Variants in ROBO2 observed in about 807,000 individuals in gnomAD.
ROBO2 encodes roundabout homolog 2.
Under a neutral mutation model 160.8 loss-of-function variants are expected in ROBO2, and 53 were observed. That is an observed-to-expected ratio of 0.33 (90% CI 0.26 to 0.41). ROBO2 has a LOEUF of 0.41. ROBO2 is among the 10% of genes least tolerant of loss of function. ROBO2 has a pLI of 1.00. For missense variants in ROBO2, 1,577 were observed against 1,722.4 expected (o/e 0.92, Z 1.49); for synonymous variants, 664 against 611.7 (o/e 1.09, Z -1.26).
intron 2 of ROBO2, among the ~76,000 whole-genome samples, chr3:76,183,332 T>G (rs1394783094): frequency 6.6e-6 from 1 of 152,162 alleles, no homozygotes; most frequent in Non-Finnish European, 1.5e-5. Flanking sequence ...CTCTGTTGTA[T>G]TGGTAAAGCA....
chr3:77,343,075 AGAGAGAGAG>A (rs1560578481), intron 2 of ROBO2, among the ~76,000 whole-genome samples: 1 of 122,374 alleles, frequency 8.2e-6, no homozygotes, highest in African/African-American at 2.7e-5. Flanking sequence ...AGAGAGAGAG[AGAGAGAGAG>A]AGAACTTTCT....
intron 2 of ROBO2, among the ~76,000 whole-genome samples, chr3:76,549,901 C>T (rs2083316697): frequency 6.6e-6 from 1 of 152,196 alleles, no homozygotes; most frequent in Non-Finnish European, 1.5e-5. Context: ...TAAAAGTAAA[C>T]TCATTCCTCT....
intron 2 of ROBO2, among the ~76,000 whole-genome samples, chr3:76,860,139 G>C (rs1458547400): frequency 6.6e-6 from 1 of 152,168 alleles, no homozygotes; most frequent in African/African-American, 2.4e-5. Flanking sequence ...GAAGTGATGA[G>C]AGTGGCCAAG....
chr3:76,821,982 G>A (rs1027941670), intron 2 of ROBO2, among the ~76,000 whole-genome samples: 1 of 151,884 alleles, frequency 6.6e-6, no homozygotes, highest in Non-Finnish European at 1.5e-5. Flanking sequence ...CTTAAATAAT[G>A]AAACTCCAGT....
chr3:75,911,013 T>C (rs1946554922), intron 1 of ROBO2, among the ~76,000 whole-genome samples: 2 of 151,976 alleles, frequency 1.3e-5, no homozygotes, highest in Admixed American at 1.3e-4. Context: ...AGCTATATTG[T>C]AGATATGGGA....
At chr3:76,100,697 G>A (rs2069647663) in intron 2 of ROBO2, among the ~76,000 whole-genome samples, 1 of 152,124 alleles carries the variant, frequency 6.6e-6, no homozygotes, top group Admixed American at 6.5e-5. Flanking sequence ...TCTTTCTAGG[G>A]CGTAATTTTC....
At chr3:76,621,969 T>G (rs2089122623) in intron 2 of ROBO2, among the ~76,000 whole-genome samples, 6 of 151,244 alleles carry the variant, frequency 4.0e-5, no homozygotes, top group Admixed American at 3.3e-4. Context: ...GGGTTTGACC[T>G]CTCCCATTCC....
intron 2 of ROBO2, among the ~76,000 whole-genome samples, chr3:76,317,931 T>G (rs2072180281): frequency 6.6e-6 from 1 of 152,048 alleles, no homozygotes; most frequent in African/African-American, 2.4e-5. Flanking sequence ...AAATATGTCC[T>G]GAGTATTTTT....
At chr3:77,165,062 G>T (rs944452417) in intron 2 of ROBO2, among the ~76,000 whole-genome samples, 1 of 152,096 alleles carries the variant, frequency 6.6e-6, no homozygotes, top group African/African-American at 2.4e-5. Context: ...TGGGAGGTGT[G>T]CCCAACGGCT....
intron 2 of ROBO2, among the ~76,000 whole-genome samples, chr3:76,764,192 G>A (rs765411163): frequency 7.3e-5 from 11 of 151,528 alleles, no homozygotes; most frequent in African/African-American, 2.2e-4. Context: ...TTTGATTACT[G>A]TATGTAAATG....
At chr3:77,093,874 A>G (rs2070683632) in intron 1 of ROBO2, among the ~76,000 whole-genome samples, 1 of 152,172 alleles carries the variant, frequency 6.6e-6, no homozygotes, top group Non-Finnish European at 1.5e-5. Context: ...AAGATTATAA[A>G]TGAAGAAAAC....
At chr3:77,034,501 T>C (rs1338376415) in intron 2 of ROBO2, among the ~76,000 whole-genome samples, 1 of 151,902 alleles carries the variant, frequency 6.6e-6, no homozygotes, top group South Asian at 2.1e-4. Flanking sequence ...CCAAACAGAT[T>C]AGTTCTTCTA....
rs573478458 is a variant in ROBO2, at chr3:77,643,586, C to T, written c.3935-1118C>T. ...TTTTTTTGGGGGGAGAGGTGTGGCGCGGGAGGTGGGGAGCCTGCTTTATAA... is the reference window on the plus strand; with the variant it reads ...TTTTTTTGGGGGGAGAGGTGTGGCGTGGGAGGTGGGGAGCCTGCTTTATAA... On this transcript the variant is annotated intron_variant, in intron 24 of 25. Coordinates refer to ENST00000461745, the Ensembl canonical transcript of ROBO2. Among the ~76,000 whole-genome samples the T allele has an allele frequency of 2.6e-3, 393 of 152,012 alleles. 2 individuals are homozygous for T. Among genetic ancestry groups the T allele is most frequent in the Admixed American group, 4.7e-3 (72 of 15,254 alleles).
intron 2 of ROBO2, among the ~76,000 whole-genome samples, chr3:77,219,216 C>T (rs528048493): frequency 1.3e-5 from 2 of 151,674 alleles, no homozygotes; most frequent in South Asian, 4.2e-4. Flanking sequence ...GTCATCTGCC[C>T]GCCTCAGCCT....
At chr3:76,222,795 C>T (rs1217766076) in intron 2 of ROBO2, among the ~76,000 whole-genome samples, 1 of 151,880 alleles carries the variant, frequency 6.6e-6, no homozygotes, top group Non-Finnish European at 1.5e-5. Flanking sequence ...CCTTCTGTCG[C>T]CCACGCTGGG....
At chr3:76,634,533 A>C (rs1206465162) in intron 2 of ROBO2, among the ~76,000 whole-genome samples, 2 of 151,298 alleles carry the variant, frequency 1.3e-5, no homozygotes, top group Non-Finnish European at 2.9e-5. Context: ...GCGCCACTGC[A>C]CTCCAGCCTG....
intron 2 of ROBO2, among the ~76,000 whole-genome samples, chr3:77,188,949 T>TTGTGTGTG (rs369545817): frequency 1.7e-4 from 25 of 142,998 alleles, no homozygotes; most frequent in Admixed American, 5.0e-4. Flanking sequence ...TTTTGTAATC[T>TTGTGTGTG]TGTGTGTGTG....
At chr3:76,533,243 C>T (rs966607475) in intron 2 of ROBO2, among the ~76,000 whole-genome samples, 2 of 152,228 alleles carry the variant, frequency 1.3e-5, no homozygotes, top group African/African-American at 2.4e-5. Flanking sequence ...GGATTAAACA[C>T]AACGCCTGTC....
chr3:76,967,196 A>C (rs934343662), intron 2 of ROBO2, among the ~76,000 whole-genome samples: 3 of 151,706 alleles, frequency 2.0e-5, no homozygotes, highest in Non-Finnish European at 2.9e-5. Context: ...GCTGATGTTG[A>C]GTACTTTGAA....
Sources: allele counts gnomAD v4.1 joint callset (sites outside exome capture counted in the v4.1 genomes callset), GRCh38; gene constraint gnomAD v4.1.1; transcripts MANE v1.5; gene names NCBI Gene and HGNC (gene_info 2026-07-23, HGNC 2026-07-21).